The following CADM2 variants were observed in gnomAD, a reference collection of about 807,000 sequenced individuals.
The protein encoded by CADM2 is immunoglobulin superfamily member 4D.
A neutral mutation model predicts 49.8 loss-of-function variants in CADM2; 12 were observed. That is an observed-to-expected ratio of 0.24 (90% CI 0.15 to 0.39). CADM2 has a LOEUF of 0.39. Among genes scored for constraint, CADM2 ranks in the 10% least tolerant of loss-of-function variants. The pLI, the probability that CADM2 is intolerant of heterozygous loss-of-function variation, is 1.00. For synonymous variants in CADM2, 214 were observed against 175.4 expected (o/e 1.22, Z -1.74); for missense variants, 378 against 492.3 (o/e 0.77, Z 2.20).
chr3:85,905,716 T>G (rs1716710255), intron 5 of CADM2, among the ~76,000 whole-genome samples: 1 of 152,160 alleles, frequency 6.6e-6, no homozygotes, highest in Non-Finnish European at 1.5e-5. Flanking sequence ...TAATCTTTAT[T>G]TTATGAATAC....
chr3:85,866,667 A>G (rs902789561), intron 3 of CADM2, among the ~76,000 whole-genome samples: 1 of 151,932 alleles, frequency 6.6e-6, no homozygotes, highest in Non-Finnish European at 1.5e-5. Flanking sequence ...GTTTTAATTA[A>G]TAATTTATGT....
At position 85,620,433 on chromosome 3, in the gene CADM2, G is replaced by T. The variant is rs1576950136; in HGVS notation, c.62-106089G>T. On this transcript the variant is annotated intron_variant, in intron 1 of 9. Coordinates refer to ENST00000383699, the MANE Select transcript of CADM2 (RefSeq NM_001167675.2). ...GGTACATAGATCCAATGTTGGAATT[G>T]TTCTAAATAAAACAACTTAAAATTT... 2.6e-5 allele frequency among the ~76,000 whole-genome samples: 4 copies of T among 151,990 alleles called. No homozygotes were observed. The East Asian group carries it at 7.7e-4, about 29-fold the overall frequency.
chr3:85,673,279 C>G (rs1209239273), intron 1 of CADM2, among the ~76,000 whole-genome samples: 1 of 152,094 alleles, frequency 6.6e-6, no homozygotes, highest in East Asian at 1.9e-4. Flanking sequence ...GAAATTCACT[C>G]TATGAGCCAA....
intron 1 of CADM2, among the ~76,000 whole-genome samples, chr3:85,599,824 C>G (rs935222182): frequency 6.6e-6 from 1 of 151,716 alleles, no homozygotes; most frequent in African/African-American, 2.4e-5. Context: ...ATAATTGACC[C>G]TCTTAGATAT....
At chr3:85,724,435 T>C (rs1041279526) in intron 1 of CADM2, among the ~76,000 whole-genome samples, 1 of 151,778 alleles carries the variant, frequency 6.6e-6, no homozygotes, top group African/African-American at 2.4e-5. Context: ...CTAAGAGATA[T>C]GCCATAAAGA....
intron 1 of CADM2, among the ~76,000 whole-genome samples, chr3:85,574,024 G>T (rs2062558103): frequency 6.6e-6 from 1 of 152,174 alleles, no homozygotes. Flanking sequence ...GTATCCATGA[G>T]ACATTTCATC....
intron 1 of CADM2, among the ~76,000 whole-genome samples, chr3:85,401,430 A>G (rs2035104503): frequency 6.6e-6 from 1 of 152,112 alleles, no homozygotes. Context: ...TGTTCTGCAG[A>G]TGGCTTGGTG....
intron 8 of CADM2, among the ~76,000 whole-genome samples, chr3:86,047,323 A>G (rs750697691): frequency 2.6e-5 from 4 of 152,176 alleles, no homozygotes; most frequent in Non-Finnish European, 5.9e-5. Flanking sequence ...GACATATTGC[A>G]ATATGCCACT....
At chr3:85,144,620 A>G (rs200358176) in intron 1 of CADM2, among the ~76,000 whole-genome samples, 5 of 136,366 alleles carry the variant, frequency 3.7e-5, no homozygotes, top group Non-Finnish European at 7.7e-5. Context: ...TCAAAAAAAA[A>G]AAAGAAAGAA....
At chr3:85,555,549 A>T (rs2061938636) in intron 1 of CADM2, among the ~76,000 whole-genome samples, 1 of 152,164 alleles carries the variant, frequency 6.6e-6, no homozygotes, top group Non-Finnish European at 1.5e-5. Flanking sequence ...ATAATGCATA[A>T]AATCAAGCAG....
In CADM2 at chr3:85,759,903, A is replaced by G. The variant is rs547035356; in HGVS notation, c.88+33355A>G. Among the ~76,000 whole-genome samples the G allele has an allele frequency of 6.6e-5, 10 of 152,268 alleles. No homozygotes were observed. In the East Asian group the frequency reaches 1.9e-3, roughly 29 times the overall value. On this transcript the variant is annotated intron_variant, in intron 2 of 9. Transcript: ENST00000383699. ...TTTCCATACACTTTCTCCAAATTCT[A>G]CTATAAATATCTTCTATGACAATAA...
chr3:85,409,091 G>T (rs2035538414), intron 1 of CADM2, among the ~76,000 whole-genome samples: 1 of 152,138 alleles, frequency 6.6e-6, no homozygotes, highest in Non-Finnish European at 1.5e-5. Flanking sequence ...CATGCCAAAT[G>T]AATCCAGTGT....
chr3:85,516,255 C>T (rs1035769929), intron 1 of CADM2, among the ~76,000 whole-genome samples: 5 of 152,040 alleles, frequency 3.3e-5, no homozygotes, highest in African/African-American at 1.2e-4. Flanking sequence ...TAGTGTTTGG[C>T]ATATTTTTAG....
chr3:85,571,507 A>G (rs1338957168), intron 1 of CADM2, among the ~76,000 whole-genome samples: 1 of 152,010 alleles, frequency 6.6e-6, no homozygotes, highest in Non-Finnish European at 1.5e-5. Flanking sequence ...GTATTTAATT[A>G]TTGGATAAAA....
At chr3:84,988,563 C>A (rs1294062079) in intron 1 of CADM2, among the ~76,000 whole-genome samples, 1 of 152,170 alleles carries the variant, frequency 6.6e-6, no homozygotes, top group African/African-American at 2.4e-5. Context: ...CTTAGGATCA[C>A]ACAATATCAT....
At chr3:85,975,547 T>C (rs6775290) in intron 8 of CADM2, among the ~76,000 whole-genome samples, 105,364 of 151,230 alleles carry the variant, frequency 0.7, 38,329 homozygotes, top group African/African-American at 0.92. Flanking sequence ...TTTTCAAATA[T>C]CTTTTTTATT....
At chr3:85,475,380 T>C (rs1023035253) in intron 1 of CADM2, among the ~76,000 whole-genome samples, 1 of 151,942 alleles carries the variant, frequency 6.6e-6, no homozygotes, top group Non-Finnish European at 1.5e-5. Context: ...TTGGCTAAAC[T>C]GTATGCCCAA....
chr3:85,285,053 T>A (rs1410941429), intron 1 of CADM2, among the ~76,000 whole-genome samples: 2 of 152,088 alleles, frequency 1.3e-5, no homozygotes, highest in East Asian at 3.9e-4. Flanking sequence ...TTGAAGGTAG[T>A]GCAGATAGGA....
chr3:84,970,899 G>T (rs1440255874), intron 1 of CADM2, among the ~76,000 whole-genome samples: 1 of 151,932 alleles, frequency 6.6e-6, no homozygotes, highest in African/African-American at 2.4e-5. Context: ...TGCAATTTTT[G>T]TTGGAGGCAA....
Sources: allele counts gnomAD v4.1 joint callset (sites outside exome capture counted in the v4.1 genomes callset), GRCh38; gene constraint gnomAD v4.1.1; transcripts MANE v1.5; gene names NCBI Gene and HGNC (gene_info 2026-07-23, HGNC 2026-07-21).